Variants in HDAC9 observed in about 807,000 individuals in gnomAD.
HDAC9 encodes the protein histone deacetylase 9.
HDAC9 carries 41 observed loss-of-function variants against 139.4 expected under a neutral mutation model. That is an observed-to-expected ratio of 0.29 (90% CI 0.23 to 0.38). The LOEUF (loss-of-function observed/expected upper bound fraction) is 0.38, where lower values mean the gene tolerates loss of function less well. Among genes scored for constraint, HDAC9 ranks in the 10% least tolerant of loss-of-function variants. The probability of loss-of-function intolerance (pLI) is 1.00; values close to 1 mark genes in which losing one functional copy is unlikely to be tolerated. For synonymous variants in HDAC9, 517 were observed against 476.2 expected (o/e 1.09, Z -1.12); for missense variants, 1,147 against 1,297.0 (o/e 0.88, Z 1.78).
intron 1 of HDAC9, among the ~76,000 whole-genome samples, chr7:18,480,015 CT>C (rs1165320392): frequency 6.9e-6 from 1 of 144,492 alleles, no homozygotes; most frequent in Non-Finnish European, 1.5e-5. Flanking sequence ...GGAAGATTGC[CT>C]GTTTCTAGCA....
chr7:18,179,447 G>C (rs1353997077), intron 2 of HDAC9, among the ~76,000 whole-genome samples: 1 of 152,120 alleles, frequency 6.6e-6, no homozygotes, highest in Non-Finnish European at 1.5e-5. Flanking sequence ...ATTACTGCAG[G>C]ATCATTAAAG....
At chr7:18,932,884 G>A (rs1804903415) in intron 22 of HDAC9, among the ~76,000 whole-genome samples, 2 of 151,768 alleles carry the variant, frequency 1.3e-5, no homozygotes, top group African/African-American at 2.4e-5. Context: ...AAGAAAGGAT[G>A]TCCTGACTTT....
chr7:18,180,938 G>A (rs968498770), intron 2 of HDAC9, among the ~76,000 whole-genome samples: 1 of 152,120 alleles, frequency 6.6e-6, no homozygotes, highest in Non-Finnish European at 1.5e-5. Context: ...GTTTGTGACT[G>A]TATCACTCCA....
chr7:18,908,006 G>T (rs539303652), intron 22 of HDAC9, among the ~76,000 whole-genome samples: 2 of 152,064 alleles, frequency 1.3e-5, no homozygotes, highest in Non-Finnish European at 2.9e-5. Flanking sequence ...AAAGGAAAAG[G>T]CATCATTTAT....
chr7:18,449,232 C>T (rs766057796), intron 1 of HDAC9, among the ~76,000 whole-genome samples: 4 of 152,012 alleles, frequency 2.6e-5, no homozygotes, highest in Admixed American at 6.5e-5. Flanking sequence ...CAATGTGCCT[C>T]AAAATTAGAG....
chr7:18,729,979 G>T (rs1475390374), intron 13 of HDAC9, among the ~76,000 whole-genome samples: 1 of 152,116 alleles, frequency 6.6e-6, no homozygotes, highest in African/African-American at 2.4e-5. Context: ...TTCCGCTAAA[G>T]GATAGCTAAG....
At chr7:18,829,631 G>C (rs1483136226) in intron 19 of HDAC9, 83 bp downstream of exon 19, 25 of 875,786 alleles carry the variant, frequency 2.9e-5, no homozygotes, top group Non-Finnish European at 4.0e-5. Context: ...AGGTTGTCTT[G>C]CTTTTAGCAC....
At chr7:18,875,769 G>A (rs1266022953) in intron 22 of HDAC9, among the ~76,000 whole-genome samples, 1 of 152,126 alleles carries the variant, frequency 6.6e-6, no homozygotes, top group Non-Finnish European at 1.5e-5. Flanking sequence ...TATTATCCAT[G>A]GAACTCAACT....
In HDAC9 at chr7:18,736,144, T is replaced by C. The variant is rs910541210; in HGVS notation, c.1909+8387T>C. On this transcript the variant is annotated intron_variant, in intron 13 of 25. Transcript: ENST00000686413. ...TTAAGGAGATTTTGGGCTGAGACGATAGGGTTTTCTAAATATACAATCATG... is the reference window on the plus strand; with the variant it reads ...TTAAGGAGATTTTGGGCTGAGACGACAGGGTTTTCTAAATATACAATCATG... Among the ~76,000 whole-genome samples the C allele has an allele frequency of 2.4e-4, 37 of 152,210 alleles. 1 individual carries two copies. The highest frequency in any genetic ancestry group is 2.2e-3 in the Admixed American group (34 of 15,276).
chr7:18,336,298 C>T (rs1263803504), intron 1 of HDAC9, among the ~76,000 whole-genome samples: 2 of 151,486 alleles, frequency 1.3e-5, no homozygotes, highest in African/African-American at 2.4e-5. Flanking sequence ...AGATGTTGCC[C>T]AGATCTGGTT....
chr7:18,572,529 G>A (rs1760927223), intron 2 of HDAC9, among the ~76,000 whole-genome samples: 1 of 151,882 alleles, frequency 6.6e-6, no homozygotes, highest in Admixed American at 6.6e-5. Flanking sequence ...CTTCCTCGTA[G>A]TTCCTTTAGA....
At chr7:18,546,737 G>A (rs1781518633) in intron 2 of HDAC9, among the ~76,000 whole-genome samples, 1 of 152,192 alleles carries the variant, frequency 6.6e-6, no homozygotes, top group South Asian at 2.1e-4. Flanking sequence ...AAGTTCTCCA[G>A]CAGGGACAGA....
chr7:18,984,567 A>G (rs1322372876), intron 25 of HDAC9, among the ~76,000 whole-genome samples: 1 of 152,176 alleles, frequency 6.6e-6, no homozygotes, highest in Admixed American at 6.5e-5. Context: ...ATTGTGGTAA[A>G]GAAGCCAATT....
At chr7:18,487,061 C>T (rs541968236) in intron 1 of HDAC9, among the ~76,000 whole-genome samples, 1 of 151,998 alleles carries the variant, frequency 6.6e-6, no homozygotes, top group South Asian at 2.1e-4. Context: ...GCTTCTATCT[C>T]CCTTCTGTGA....
intron 1 of HDAC9, among the ~76,000 whole-genome samples, chr7:18,465,476 T>G (rs572372571): frequency 1.1e-3 from 169 of 152,176 alleles, no homozygotes; most frequent in African/African-American, 3.8e-3. Context: ...TGGAGGTGGG[T>G]GGGGTTTGTG....
intron 22 of HDAC9, among the ~76,000 whole-genome samples, chr7:18,880,135 A>G (rs1799622344): frequency 1.3e-5 from 2 of 152,196 alleles, no homozygotes. Context: ...CAGAATGGCT[A>G]TTAAGAAAAA....
At chr7:18,459,443 A>G (rs1203263890) in intron 1 of HDAC9, among the ~76,000 whole-genome samples, 1 of 152,140 alleles carries the variant, frequency 6.6e-6, no homozygotes, top group Non-Finnish European at 1.5e-5. Context: ...GGTAGTTTAC[A>G]TGCTCAGATG....
chr7:18,609,137 C>T (rs1584055131), intron 6 of HDAC9, among the ~76,000 whole-genome samples: 1 of 152,102 alleles, frequency 6.6e-6, no homozygotes, highest in East Asian at 1.9e-4. Flanking sequence ...ATGCATTAGC[C>T]TATTGTAGCT....
At chr7:18,953,832 G>T (rs1267204577) in intron 23 of HDAC9, among the ~76,000 whole-genome samples, 1 of 151,990 alleles carries the variant, frequency 6.6e-6, no homozygotes, top group Non-Finnish European at 1.5e-5. Context: ...GATGGAATTT[G>T]GTTTGTCAGG....
Sources: gnomAD v4.1 joint callset for allele counts (sites outside exome capture counted in the v4.1 genomes callset) on GRCh38, gnomAD v4.1.1 for gene constraint, MANE v1.5 for transcripts, NCBI Gene and HGNC (gene_info 2026-07-23, HGNC 2026-07-21) for gene names.